LRRTM4: variants seen among roughly 807,000 people sequenced by gnomAD.
The protein encoded by LRRTM4 is leucine-rich repeat transmembrane neuronal protein 4.
In LRRTM4, 25 loss-of-function variants were observed where a neutral mutation model predicts 47.6. The ratio of observed to expected loss-of-function variants is 0.53; its 90% CI spans 0.38 to 0.73. The LOEUF is 0.73. Among genes scored for constraint, LRRTM4 ranks in the 30% least tolerant of loss-of-function variants. The pLI is 0.00. For missense variants in LRRTM4, 638 were observed against 713.4 expected (o/e 0.89, Z 1.20); for synonymous variants, 311 against 269.5 (o/e 1.15, Z -1.51).
At chr2:77,223,405 G>C (rs553336324) in intron 3 of LRRTM4, among the ~76,000 whole-genome samples, 1 of 152,264 alleles carries the variant, frequency 6.6e-6, no homozygotes, top group African/African-American at 2.4e-5. Context: ...ATTAGGAAAA[G>C]AGGAAGTCAA....
intron 3 of LRRTM4, among the ~76,000 whole-genome samples, chr2:77,277,422 T>TA (rs1308834878): frequency 6.6e-6 from 1 of 152,012 alleles, no homozygotes; most frequent in African/African-American, 2.4e-5. Context: ...TATAGAGTTA[T>TA]AAAAAATAGA....
chr2:76,891,706 G>C (rs574249543), intron 3 of LRRTM4, among the ~76,000 whole-genome samples: 16 of 151,652 alleles, frequency 1.1e-4, no homozygotes, highest in Admixed American at 5.9e-4. Context: ...CCTCACATTA[G>C]AATAAACTCC....
intron 3 of LRRTM4, among the ~76,000 whole-genome samples, chr2:77,464,456 T>C (rs1676907765): frequency 6.6e-6 from 1 of 152,120 alleles, no homozygotes; most frequent in Non-Finnish European, 1.5e-5. Context: ...ATCTAATATC[T>C]CTAACATGTT....
intron 3 of LRRTM4, among the ~76,000 whole-genome samples, chr2:76,999,784 A>T (rs932388695): frequency 6.6e-6 from 1 of 152,096 alleles, no homozygotes; most frequent in Non-Finnish European, 1.5e-5. Flanking sequence ...CCTATTTTCC[A>T]CTTGTCTCAG....
At chr2:77,310,555 A>G (rs370046663) in intron 3 of LRRTM4, among the ~76,000 whole-genome samples, 2 of 152,262 alleles carry the variant, frequency 1.3e-5, no homozygotes, top group East Asian at 3.9e-4. Flanking sequence ...GTTTGATAAC[A>G]GTTGTCTGGA....
intron 3 of LRRTM4, among the ~76,000 whole-genome samples, chr2:77,133,528 G>C (rs1671856391): frequency 6.6e-6 from 1 of 152,142 alleles, no homozygotes. Flanking sequence ...TTTTTAATAA[G>C]TGATAATTGA....
At chr2:77,228,628 TC>T (rs1425705753) in intron 3 of LRRTM4, among the ~76,000 whole-genome samples, 1 of 152,144 alleles carries the variant, frequency 6.6e-6, no homozygotes, top group Non-Finnish European at 1.5e-5. Flanking sequence ...CACAGATCAC[TC>T]CAGGGAAAAA....
At chr2:76,884,487 A>G (rs1673015309) in intron 3 of LRRTM4, among the ~76,000 whole-genome samples, 1 of 152,212 alleles carries the variant, frequency 6.6e-6, no homozygotes, top group Non-Finnish European at 1.5e-5. Context: ...AAGTATCTTT[A>G]TGTACCTATT....
intron 3 of LRRTM4, among the ~76,000 whole-genome samples, chr2:76,891,045 A>G (rs1359918210): frequency 6.6e-6 from 1 of 151,856 alleles, no homozygotes; most frequent in Non-Finnish European, 1.5e-5. Context: ...CGCTGGAATG[A>G]AAATAGTCAG....
intron 3 of LRRTM4, among the ~76,000 whole-genome samples, chr2:77,182,104 A>G (rs1045978764): frequency 1.3e-5 from 2 of 152,228 alleles, no homozygotes; most frequent in African/African-American, 4.8e-5. Flanking sequence ...TCATTCTACT[A>G]TAAAGATACA....
intron 3 of LRRTM4, among the ~76,000 whole-genome samples, chr2:77,048,770 G>A (rs1258041397): frequency 6.6e-6 from 1 of 151,616 alleles, no homozygotes; most frequent in Non-Finnish European, 1.5e-5. Flanking sequence ...TTTGTGTTGA[G>A]AACATTCAAA....
At chr2:77,022,145 G>A (rs1960005) in intron 3 of LRRTM4, among the ~76,000 whole-genome samples, 18,507 of 151,996 alleles carry the variant, frequency 0.12, 1,388 homozygotes, top group Admixed American at 0.19. Flanking sequence ...ACATGGTGGC[G>A]GCAAGAGAAA....
At chr2:77,029,351 G>A (rs889547791) in intron 3 of LRRTM4, among the ~76,000 whole-genome samples, 10 of 151,978 alleles carry the variant, frequency 6.6e-5, no homozygotes, top group Non-Finnish European at 1.2e-4. Flanking sequence ...TCAAAAGTAG[G>A]GAAGCAGACA....
chr2:77,281,357 C>T (rs1211164960), intron 3 of LRRTM4, among the ~76,000 whole-genome samples: 1 of 151,832 alleles, frequency 6.6e-6, no homozygotes, highest in Non-Finnish European at 1.5e-5. Flanking sequence ...ACAGTGTTTC[C>T]AGACTTTATA....
chr2:76,772,466 T>A (rs556491010), intron 3 of LRRTM4, among the ~76,000 whole-genome samples: 1 of 152,192 alleles, frequency 6.6e-6, no homozygotes, highest in African/African-American at 2.4e-5. Flanking sequence ...AGTCTAGTAC[T>A]AAAATAATAG....
Position 76,818,022 on chromosome 2 carries a change from T to C in LRRTM4, c.1552-69106A>G, listed in dbSNP as rs1670949855. On this transcript the variant is annotated intron_variant, in intron 3 of 3. Transcript: ENST00000409884. ...TGAATAAAAATCCAGTTCAAGTTCT[T>C]TAAAAAGTAAAGAGGATACAGATGG... 5.3e-5 allele frequency among the ~76,000 whole-genome samples: 8 copies of C among 151,950 alleles called. No homozygotes were observed. In the Admixed American group the frequency reaches 5.3e-4, roughly 10 times the overall value.
chr2:77,331,981 A>G (rs970332886), intron 3 of LRRTM4, among the ~76,000 whole-genome samples: 2 of 152,180 alleles, frequency 1.3e-5, no homozygotes, highest in African/African-American at 4.8e-5. Flanking sequence ...AGGAAGTATA[A>G]TTTAATTAAT....
At chr2:76,936,662 A>G (rs1302023889) in intron 3 of LRRTM4, among the ~76,000 whole-genome samples, 1 of 151,556 alleles carries the variant, frequency 6.6e-6, no homozygotes, top group African/African-American at 2.4e-5. Context: ...TTCTCATTCA[A>G]AGATCCACCT....
At chr2:76,972,074 C>T (rs943247004) in intron 3 of LRRTM4, among the ~76,000 whole-genome samples, 2 of 151,960 alleles carry the variant, frequency 1.3e-5, no homozygotes, top group Non-Finnish European at 2.9e-5. Flanking sequence ...GTTGTTTCAG[C>T]ATTTTTCTAG....
Sources: allele counts gnomAD v4.1 joint callset (sites outside exome capture counted in the v4.1 genomes callset), GRCh38; gene constraint gnomAD v4.1.1; transcripts MANE v1.5; gene names NCBI Gene and HGNC (gene_info 2026-07-23, HGNC 2026-07-21).